MACROD2: variants seen among roughly 807,000 people sequenced by gnomAD.
MACROD2 encodes the protein ADP-ribose glycohydrolase MACROD2.
MACROD2 carries 36 observed loss-of-function variants against 70.4 expected under a neutral mutation model. The ratio of observed to expected loss-of-function variants is 0.51; its 90% CI spans 0.39 to 0.68. The LOEUF (loss-of-function observed/expected upper bound fraction) is 0.68, where lower values mean the gene tolerates loss of function less well. Among genes scored for constraint, MACROD2 ranks in the 30% least tolerant of loss-of-function variants. The probability of loss-of-function intolerance (pLI) is 0.00; values close to 1 mark genes in which losing one functional copy is unlikely to be tolerated. For missense variants in MACROD2, 496 were observed against 538.4 expected (o/e 0.92, Z 0.78); for synonymous variants, 172 against 178.8 (o/e 0.96, Z 0.30).
At chr20:14,228,496 C>T (rs190741529) in intron 3 of MACROD2, among the ~76,000 whole-genome samples, 26 of 151,782 alleles carry the variant, frequency 1.7e-4, no homozygotes, top group South Asian at 4.2e-4. Context: ...TGCCACCATG[C>T]CCAGCTAATT....
At chr20:14,913,952 C>T (rs965825897) in intron 5 of MACROD2, among the ~76,000 whole-genome samples, 2 of 152,120 alleles carry the variant, frequency 1.3e-5, no homozygotes, top group South Asian at 2.1e-4. Flanking sequence ...TGGGCCATAG[C>T]GCAAGGCAGC....
chr20:15,142,147 A>G (rs2076196480), intron 5 of MACROD2, among the ~76,000 whole-genome samples: 1 of 152,222 alleles, frequency 6.6e-6, no homozygotes, highest in African/African-American at 2.4e-5. Flanking sequence ...GGCAGAAGAC[A>G]TGTCTTTTTA....
rs542202225 is a variant in MACROD2, at chr20:14,502,005, T to C, written c.301+8497T>C. Among the ~76,000 whole-genome samples, 93 of 152,330 alleles carry C rather than the reference T, an allele frequency of 6.1e-4. 1 individual carries two copies. The highest frequency in any genetic ancestry group is 1.7e-3 in the South Asian group (8 of 4,824). On this transcript the variant is annotated intron_variant, in intron 4 of 17. Transcript: ENST00000684519. ...TACTTGCGTTAAAGGTAAAATCTTT[T>C]TAAAACTATAAAAAAGAGAAGTTTA...
chr20:15,309,183 CAT>C (rs766795936), intron 6 of MACROD2, among the ~76,000 whole-genome samples: 17 of 152,176 alleles, frequency 1.1e-4, no homozygotes, highest in Non-Finnish European at 2.2e-4. Flanking sequence ...CATACAAACT[CAT>C]GTGTTCAACA....
chr20:15,285,505 A>G (rs1036478330), intron 6 of MACROD2, among the ~76,000 whole-genome samples: 1 of 152,178 alleles, frequency 6.6e-6, no homozygotes, highest in African/African-American at 2.4e-5. Context: ...GTATGACAGC[A>G]ATGTATTTAA....
chr20:15,799,293 G>A (rs1238508384), intron 8 of MACROD2, among the ~76,000 whole-genome samples: 1 of 152,044 alleles, frequency 6.6e-6, no homozygotes, highest in Admixed American at 6.6e-5. Flanking sequence ...TATTTGTGTT[G>A]GGAACATTTC....
At chr20:15,646,464 G>T (rs991751776) in intron 8 of MACROD2, among the ~76,000 whole-genome samples, 1 of 152,160 alleles carries the variant, frequency 6.6e-6, no homozygotes, top group Non-Finnish European at 1.5e-5. Context: ...TGGGAGCTAC[G>T]TGTTATTTTA....
chr20:15,304,085 T>C (rs1278026339), intron 6 of MACROD2, among the ~76,000 whole-genome samples: 1 of 152,222 alleles, frequency 6.6e-6, no homozygotes, highest in Non-Finnish European at 1.5e-5. Context: ...TTTTGTTCCT[T>C]ATAATATTTT....
chr20:14,623,231 G>A (rs1449446321), intron 4 of MACROD2, among the ~76,000 whole-genome samples: 1 of 151,756 alleles, frequency 6.6e-6, no homozygotes, highest in Non-Finnish European at 1.5e-5. Flanking sequence ...CTGATATCTA[G>A]GGTCAATTCC....
At chr20:15,898,549 T>TAAAAA (rs10678216) in intron 10 of MACROD2, among the ~76,000 whole-genome samples, 8 of 94,464 alleles carry the variant, frequency 8.5e-5, no homozygotes, top group Admixed American at 1.3e-4. Flanking sequence ...AGACTCAGTC[T>TAAAAA]AAAAAAAAAA....
intron 5 of MACROD2, among the ~76,000 whole-genome samples, chr20:14,882,735 C>T (rs867325051): frequency 2.6e-5 from 4 of 152,156 alleles, no homozygotes; most frequent in Non-Finnish European, 4.4e-5. Context: ...TTGATTCTGG[C>T]TGTAAGATTT....
chr20:15,350,716 G>A (rs572667155), intron 6 of MACROD2, among the ~76,000 whole-genome samples: 32 of 152,124 alleles, frequency 2.1e-4, no homozygotes, highest in African/African-American at 7.5e-4. Context: ...AAATATTCTT[G>A]CATTATGATA....
intron 8 of MACROD2, among the ~76,000 whole-genome samples, chr20:15,553,700 A>G (rs1481596581): frequency 6.6e-6 from 1 of 152,248 alleles, no homozygotes; most frequent in African/African-American, 2.4e-5. Flanking sequence ...GATTACAGGC[A>G]TGCTGGGCAC....
At chr20:14,130,559 A>C (rs530033698) in intron 3 of MACROD2, among the ~76,000 whole-genome samples, 1 of 152,266 alleles carries the variant, frequency 6.6e-6, no homozygotes, top group South Asian at 2.1e-4. Context: ...AAAAGAAAGA[A>C]AGAAAAAGAA....
chr20:14,610,954 A>T (rs917622706), intron 4 of MACROD2, among the ~76,000 whole-genome samples: 1 of 152,144 alleles, frequency 6.6e-6, no homozygotes, highest in Non-Finnish European at 1.5e-5. Flanking sequence ...TTGGAGACTC[A>T]TATTAACAAA....
intron 3 of MACROD2, among the ~76,000 whole-genome samples, chr20:14,385,900 A>C (rs2876372): frequency 0.99 from 150,420 of 152,212 alleles, 74,343 homozygotes; most frequent in East Asian, 1. Context: ...GGATCTTCCA[A>C]TAATGATTGT....
chr20:15,594,660 C>T (rs2048723769), intron 8 of MACROD2, among the ~76,000 whole-genome samples: 1 of 152,114 alleles, frequency 6.6e-6, no homozygotes, highest in African/African-American at 2.4e-5. Flanking sequence ...TCCCATGATA[C>T]CTTTTATGGA....
At chr20:15,462,746 T>C (rs574232320) in intron 7 of MACROD2, among the ~76,000 whole-genome samples, 1 of 152,340 alleles carries the variant, frequency 6.6e-6, no homozygotes, top group South Asian at 2.1e-4. Flanking sequence ...CTTTGTAACA[T>C]ATTTGTGTCA....
Position 14,326,850 on chromosome 20 carries a change from T to G in MACROD2, c.272-166629T>G. The stretch of plus-strand genomic sequence containing the variant: ...TCAAATTAACTAGGTTGAAGAAAAC[T>G]TTGTCACCTAAACCATGATTGTTCA... On this transcript the variant is annotated intron_variant, in intron 3 of 17. Transcript: ENST00000684519. The surrounding 1 kb of genome is among the most constrained non-coding windows in gnomAD (Gnocchi z 5.5). The G allele has an allele frequency of 6.2e-7, 1 of 1,613,676 alleles. No individual in the cohort carries two copies. Among genetic ancestry groups the G allele is most frequent in the Non-Finnish European group, 8.5e-7 (1 of 1,179,772 alleles).
Sources: gnomAD v4.1 joint callset for allele counts (sites outside exome capture counted in the v4.1 genomes callset) on GRCh38, gnomAD v4.1.1 for gene constraint, Gnocchi (gnomAD v3.1) non-coding constraint, MANE v1.5 for transcripts, NCBI Gene and HGNC (gene_info 2026-07-23, HGNC 2026-07-21) for gene names.